Variants in HMG20A observed in about 807,000 individuals in gnomAD.
HMG20A encodes the protein high mobility group protein 20A.
In HMG20A, 17 loss-of-function variants were observed where a neutral mutation model predicts 43.9. The ratio of observed to expected loss-of-function variants is 0.39; its 90% confidence interval spans 0.27 to 0.58. The LOEUF (loss-of-function observed/expected upper bound fraction) is 0.58. HMG20A is among the 20% of genes least tolerant of loss of function. The probability of loss-of-function intolerance (pLI) is 0.59; values close to 1 mark genes in which losing one functional copy is unlikely to be tolerated. For synonymous variants in HMG20A, 132 were observed against 147.5 expected (o/e 0.89, Z 0.76); for missense variants, 341 against 438.2 (o/e 0.78, Z 1.98).
chr15:77,430,993 G>A (rs1157498965), intron 1 of HMG20A, among the ~76,000 whole-genome samples: 1 of 152,006 alleles, frequency 6.6e-6, no homozygotes, highest in South Asian at 2.1e-4. Context: ...TGCAAGAAAC[G>A]ACAAGCAGAA....
intron 1 of HMG20A, among the ~76,000 whole-genome samples, chr15:77,449,148 A>T (rs952559564): frequency 6.6e-5 from 10 of 151,132 alleles, no homozygotes; most frequent in Non-Finnish European, 1.2e-4. Flanking sequence ...GTCCACCCCC[A>T]CCCCAGTGCC....
At chr15:77,470,846 G>A in intron 4 of HMG20A, 64 bp from the exon 5 acceptor site, 1 of 1,348,208 alleles carries the variant, frequency 7.4e-7, no homozygotes, top group South Asian at 1.6e-5. Flanking sequence ...CTTCAAATAG[G>A]TAATTTAATT....
At position 77,484,550 on chromosome 15, in the gene HMG20A, C is replaced by CT; in HGVS notation, c.*1589dup. 6.6e-6 allele frequency: 1 copy of CT among 152,466 alleles called. No individual in the cohort carries two copies. The highest frequency in any genetic ancestry group is 1.5e-5 in the Non-Finnish European group (1 of 68,022). The allele number at this position is 152,466 out of a possible 1,614,324, so 9.4% of individuals were successfully genotyped here. ...CACCATCCTGTCTTCTCAGCATCTC[C>CT]TTGCCTGTTTTCTTTATTAGTCCAA... is the stretch of plus-strand genomic sequence containing the variant. On this transcript the variant is annotated 3_prime_UTR_variant, in exon 10 of 10. Transcript: ENST00000336216.
In HMG20A at chr15:77,467,084, T is replaced by C. The variant is rs752386336; in HGVS notation, c.238-11T>C. ...TTGGTTTTTGGTTTTTTATTTTGTT[T>C]TGTTTTGTAGCAACGAAGTAAACGA... On this transcript the variant is annotated splice_polypyrimidine_tract_variant and intron_variant, in intron 3 of 9. Transcript: ENST00000336216. 6.2e-7 allele frequency: 1 copy of C among 1,603,756 alleles called. No homozygotes were observed. The highest frequency in any genetic ancestry group is 8.5e-7 in the Non-Finnish European group (1 of 1,173,662).
intron 2 of HMG20A, among the ~76,000 whole-genome samples, chr15:77,461,762 A>G (rs1203894892): frequency 2.0e-5 from 3 of 152,208 alleles, no homozygotes; most frequent in African/African-American, 7.2e-5. Flanking sequence ...TCCCAAACCT[A>G]GTTCTCATAT....
Position 77,479,198 on chromosome 15 carries a change from A to C in HMG20A, c.927A>C (p.Thr309=). The C allele has an allele frequency of 6.2e-7, 1 of 1,613,840 alleles. No individual in the cohort carries two copies. Among genetic ancestry groups the C allele is most frequent in the Non-Finnish European group, 8.5e-7 (1 of 1,179,676 alleles). ...MPLPGSGETP[T]VDTIDSYMNR... ...CTTCAGGAAGTGGAGAGACACCTACAGTGGACACCATTGACTCATATATGA... is the reference window on the plus strand; with the variant it reads ...CTTCAGGAAGTGGAGAGACACCTACCGTGGACACCATTGACTCATATATGA... The change falls in exon 9 of 10, where the codon ACA becomes ACC. Residue 309 remains threonine (T), a synonymous_variant. Transcript: ENST00000336216.
chr15:77,483,257 A>G lies in HMG20A; in HGVS notation c.*294A>G, dbSNP rs892518285. ...TCCATTTCTGTTAAAGTGGATCTGCATATCTTCAGCTTACTAGGTGACCCG... is the reference window on the plus strand; with the variant it reads ...TCCATTTCTGTTAAAGTGGATCTGCGTATCTTCAGCTTACTAGGTGACCCG... On this transcript the variant is annotated 3_prime_UTR_variant, in exon 10 of 10. Transcript: ENST00000336216. 1 of 152,186 alleles carries G rather than the reference A, an allele frequency of 6.6e-6. No individual in the cohort carries two copies. The highest frequency in any genetic ancestry group is 6.5e-5 in the Admixed American group (1 of 15,280). The allele number at this position is 152,186 out of a possible 1,614,324, so 9.4% of individuals were successfully genotyped here. A position where few individuals can be genotyped will look rare whatever the true frequency, so the allele number is the denominator to read the frequency against.
At chr15:77,424,545 T>C (rs754677448) in intron 1 of HMG20A, among the ~76,000 whole-genome samples, 2 of 152,206 alleles carry the variant, frequency 1.3e-5, no homozygotes, top group Non-Finnish European at 2.9e-5. Flanking sequence ...GCTTCATTAA[T>C]GCAATTATCT....
chr15:77,512,037 A>G, the HMG20A span, among the ~76,000 whole-genome samples: 2 of 152,206 alleles, frequency 1.3e-5, no homozygotes, highest in Non-Finnish European at 2.9e-5. Flanking sequence ...GAATGGATAA[A>G]CAAACTGTGG....
chr15:77,441,862 G>A (rs1348423587), intron 1 of HMG20A, among the ~76,000 whole-genome samples: 1 of 152,092 alleles, frequency 6.6e-6, no homozygotes, highest in African/African-American at 2.4e-5. Flanking sequence ...AGAGTTTCTA[G>A]TAAGAATAAA....
the HMG20A span, among the ~76,000 whole-genome samples, chr15:77,504,483 G>A: frequency 9.2e-5 from 14 of 152,352 alleles, no homozygotes; most frequent in South Asian, 1.4e-3. Flanking sequence ...CCCTTTGCGC[G>A]GGGTGCGCCT....
At chr15:77,510,559 G>T in the HMG20A span, among the ~76,000 whole-genome samples, 1 of 152,176 alleles carries the variant, frequency 6.6e-6, no homozygotes, top group African/African-American at 2.4e-5. Context: ...CTGACCTCCT[G>T]GGGTAGGCCT....
At chr15:77,486,544 C>T (rs1250860808), downstream of HMG20A, among the ~76,000 whole-genome samples, 1 of 152,166 alleles carries the variant, frequency 6.6e-6, no homozygotes, top group African/African-American at 2.4e-5. Context: ...CAGGCATGAG[C>T]CACCACGCCC....
chr15:77,451,394 TC>T (rs2072600669), intron 1 of HMG20A, among the ~76,000 whole-genome samples: 1 of 152,228 alleles, frequency 6.6e-6, no homozygotes, highest in Non-Finnish European at 1.5e-5. Context: ...GAAGGAGAGT[TC>T]CTGTTGCTCC....
the HMG20A span, among the ~76,000 whole-genome samples, chr15:77,511,954 A>G: frequency 6.6e-6 from 1 of 152,262 alleles, no homozygotes; most frequent in Admixed American, 6.5e-5. Context: ...AAATATCTGT[A>G]CACTCATGTT....
downstream of HMG20A, among the ~76,000 whole-genome samples, chr15:77,486,223 A>G (rs1377171209): frequency 6.7e-6 from 1 of 149,946 alleles, no homozygotes; most frequent in African/African-American, 2.5e-5. Flanking sequence ...ATAGAAGATC[A>G]TTTGATAGAA....
chr15:77,501,848 C>A, the HMG20A span, among the ~76,000 whole-genome samples: 1 of 152,172 alleles, frequency 6.6e-6, no homozygotes, highest in African/African-American at 2.4e-5. Flanking sequence ...GGGGGCAAAT[C>A]TGGGGATATC....
chr15:77,466,084 TA>T (rs1167233761), intron 3 of HMG20A, among the ~76,000 whole-genome samples: 1 of 152,130 alleles, frequency 6.6e-6, no homozygotes, highest in Non-Finnish European at 1.5e-5. Flanking sequence ...CCTCTGACTA[TA>T]AAATGTACAT....
chr15:77,498,290 G>A, the HMG20A span, among the ~76,000 whole-genome samples: 2 of 152,102 alleles, frequency 1.3e-5, no homozygotes, highest in African/African-American at 4.8e-5. Flanking sequence ...AAGCATTAAG[G>A]GAGTGCATGT....
Sources: allele counts gnomAD v4.1 joint callset (sites outside exome capture counted in the v4.1 genomes callset), GRCh38; gene constraint gnomAD v4.1.1; transcripts MANE v1.5; gene names NCBI Gene and HGNC (gene_info 2026-07-23, HGNC 2026-07-21).